The following SLC26A3 variants were observed in gnomAD, a reference collection of about 807,000 sequenced individuals.
SLC26A3 encodes chloride anion exchanger.
A neutral mutation model predicts 85.6 loss-of-function variants in SLC26A3; 64 were observed. That is an observed-to-expected ratio of 0.75 (90% CI 0.61 to 0.92). The LOEUF (loss-of-function observed/expected upper bound fraction) is 0.92, where lower values mean the gene tolerates loss of function less well. Among genes scored for constraint, SLC26A3 ranks in the 40% least tolerant of loss-of-function variants. The pLI is 0.00. For missense variants in SLC26A3, 922 were observed against 927.3 expected, an observed-to-expected ratio of 0.99 and a Z score of 0.07; for synonymous variants, 349 against 336.0, an observed-to-expected ratio of 1.04 and a Z score of -0.42.
Position 107,782,809 on chromosome 7 carries a change from C to T in SLC26A3, c.1299G>A (p.Ala433=), listed in dbSNP as rs3735605. Residue 433 remains alanine, a synonymous_variant, in exon 11 of 21, where the codon GCG becomes GCA. Coordinates refer to ENST00000340010, the MANE Select transcript of SLC26A3 (RefSeq NM_000111.3). ...AAGACAGTGTTACCTTTTGTAGAGG[C>T]GCCAGGAGAAATCCAATGGCTAGAA... ...IVVLAIGFLL[A]PLQKSVLAAL... 0.17 allele frequency: 266,121 copies of T among 1,612,682 alleles called. 23,250 individuals are homozygous for T. Among genetic ancestry groups the T allele is most frequent in the East Asian group, 0.26 (11,565 of 44,830 alleles).
intron 5 of SLC26A3, among the ~76,000 whole-genome samples, chr7:107,790,296 A>G (rs1393341314): frequency 6.6e-6 from 1 of 152,112 alleles, no homozygotes; most frequent in Non-Finnish European, 1.5e-5. Flanking sequence ...TTCTGCTCAC[A>G]TCTCCAGAAC....
intron 18 of SLC26A3, among the ~76,000 whole-genome samples, chr7:107,770,497 A>C (rs1446607886): frequency 1.3e-5 from 2 of 151,132 alleles, no homozygotes; most frequent in Non-Finnish European, 2.9e-5. Flanking sequence ...GGCTTAAGTG[A>C]TCTGCCTGCC....
chr7:107,769,197 T>C (rs1447322064), intron 18 of SLC26A3, among the ~76,000 whole-genome samples: 4 of 152,136 alleles, frequency 2.6e-5, no homozygotes, highest in Non-Finnish European at 5.9e-5. Flanking sequence ...AAGACAAAAA[T>C]ACCATTTGAC....
chr7:107,776,092 T>C, intron 15 of SLC26A3: 2 of 335,478 alleles, frequency 6.0e-6, no homozygotes, highest in Non-Finnish European at 1.1e-5. Context: ...GAGGATGTGG[T>C]CAAATATTAA....
intron 8 of SLC26A3, 129 bp downstream of exon 8, chr7:107,786,698 C>A (rs975120767): frequency 3.1e-5 from 25 of 806,144 alleles, no homozygotes; most frequent in Non-Finnish European, 5.3e-5. Flanking sequence ...CTTAGGGATG[C>A]AGGGTGCAGG....
intron 7 of SLC26A3, among the ~76,000 whole-genome samples, chr7:107,787,116 G>A (rs140291305): frequency 6.6e-6 from 1 of 152,194 alleles, no homozygotes; most frequent in Admixed American, 6.5e-5. Context: ...GCTCTAACAC[G>A]ACATTTTGTC....
intron 18 of SLC26A3, among the ~76,000 whole-genome samples, chr7:107,769,500 C>G (rs1793969267): frequency 6.6e-6 from 1 of 152,140 alleles, no homozygotes; most frequent in Admixed American, 6.5e-5. Context: ...ACTGCATATT[C>G]TCACTTATAA....
In SLC26A3 at chr7:107,782,837, A is replaced by G; in HGVS notation, c.1271T>C (p.Val424Ala). Residue 424 changes from valine (V) to alanine (A), a missense_variant, in exon 11 of 21, where the codon GTC becomes GCC. By Grantham distance (64) the Val-to-Ala change is moderately conservative. Transcript: ENST00000340010. ...GLIGAIIVLI[V>A]VLAIGFLLAP... is the part of the protein sequence containing the mutation. ...CAGGAGAAATCCAATGGCTAGAACG[A>G]CAATCAGCACGATGATGGCACCAAT... The G allele has an allele frequency of 6.2e-7, 1 of 1,614,168 alleles. No individual in the cohort carries two copies. Among genetic ancestry groups the G allele is most frequent in the Non-Finnish European group, 8.5e-7 (1 of 1,179,994 alleles).
intron 16 of SLC26A3, 120 bp from the exon 17 acceptor site, chr7:107,774,273 T>A: frequency 1.2e-6 from 1 of 814,198 alleles, no homozygotes; most frequent in Non-Finnish European, 2.1e-6. Context: ...GGGATTGGAC[T>A]AGGTGTGGTG....
intron 18 of SLC26A3, among the ~76,000 whole-genome samples, chr7:107,770,065 T>G (rs1183037429): frequency 1.4e-5 from 2 of 140,620 alleles, no homozygotes. Context: ...TTCTTTCTTT[T>G]TCTTTCTCTC....
intron 6 of SLC26A3, 110 bp from the exon 7 acceptor site, chr7:107,787,619 G>A: frequency 1.1e-6 from 1 of 897,640 alleles, no homozygotes; most frequent in Non-Finnish European, 1.7e-6. Flanking sequence ...GACTGATAGA[G>A]ACTGATAGTG....
intron 16 of SLC26A3, 152 bp downstream of exon 16, chr7:107,774,625 T>G (rs1794080910): frequency 2.9e-6 from 2 of 694,442 alleles, no homozygotes; most frequent in African/African-American, 3.5e-5. Context: ...AGGGAGACCC[T>G]CAGAAGGATG....
chr7:107,797,740 C>G (rs187325028), intron 1 of SLC26A3, among the ~76,000 whole-genome samples: 1 of 127,448 alleles, frequency 7.8e-6, no homozygotes, highest in Non-Finnish European at 1.6e-5. Context: ...TGAGCAGGAC[C>G]TTTTTTTTTT....
At chr7:107,791,369 T>C in intron 4 of SLC26A3, 134 bp from the exon 5 acceptor site, 1 of 954,976 alleles carries the variant, frequency 1.0e-6, no homozygotes, top group South Asian at 1.3e-5. Flanking sequence ...CCCAGCACTT[T>C]GGGAGGCCGA....
intron 20 of SLC26A3, among the ~76,000 whole-genome samples, chr7:107,766,877 T>C (rs1793925520): frequency 6.6e-6 from 1 of 150,678 alleles, no homozygotes; most frequent in African/African-American, 2.5e-5. Flanking sequence ...TGAGCCTGTT[T>C]CCTTTTTTTT....
intron 1 of SLC26A3, among the ~76,000 whole-genome samples, chr7:107,797,489 G>A (rs981671857): frequency 6.2e-5 from 7 of 113,718 alleles, no homozygotes; most frequent in East Asian, 4.7e-4. Flanking sequence ...GCGAGACTCC[G>A]TCTCAAAAAA....
At chr7:107,767,360 A>G (rs570581623) in intron 20 of SLC26A3, among the ~76,000 whole-genome samples, 1 of 152,344 alleles carries the variant, frequency 6.6e-6, no homozygotes, top group East Asian at 1.9e-4. Flanking sequence ...GAGATCTATT[A>G]TCACTATTTT....
intron 17 of SLC26A3, among the ~76,000 whole-genome samples, chr7:107,772,760 A>G (rs1241452629): frequency 6.6e-6 from 1 of 151,236 alleles, no homozygotes; most frequent in Non-Finnish European, 1.5e-5. Flanking sequence ...CAAAAAATAA[A>G]TGTGTGTGTG....
chr7:107,787,396 T>G lies in SLC26A3; in HGVS notation c.849A>C (p.Lys283Asn), dbSNP rs755764036. ...SIVKEINQRF[K>N]DKLPVPIPIE... ...TTGGAATGGGCACTGGAAGTTTGTC[T>G]TTGAAGCGCTGATTTATTTCTTTAA... is the stretch of plus-strand genomic sequence containing the variant. The change falls in exon 7 of 21, where the codon AAA becomes AAC. Residue 283 changes from lysine to asparagine, a missense_variant. By Grantham distance (94) the Lys-to-Asn change is moderately conservative. Coordinates refer to ENST00000340010, the MANE Select transcript of SLC26A3 (RefSeq NM_000111.3). 7.1e-5 allele frequency: 114 copies of G among 1,614,010 alleles called. No individual in the cohort carries two copies. Among genetic ancestry groups the G allele is most frequent in the Non-Finnish European group, 8.8e-5 (104 of 1,180,010 alleles).
Sources: allele counts gnomAD v4.1 joint callset (sites outside exome capture counted in the v4.1 genomes callset), GRCh38; gene constraint gnomAD v4.1.1; transcripts MANE v1.5; gene names NCBI Gene and HGNC (gene_info 2026-07-23, HGNC 2026-07-21).